Variants in GNA14 observed in about 807,000 individuals in gnomAD.
GNA14 encodes G protein subunit alpha 14.
In GNA14, 50 loss-of-function variants were observed where a neutral mutation model predicts 42.0. That is an observed-to-expected ratio of 1.19 (90% confidence interval 0.95 to 1.51). The LOEUF (loss-of-function observed/expected upper bound fraction) is 1.51, where lower values mean the gene tolerates loss of function less well. Among genes scored for constraint, GNA14 ranks in the 40% most tolerant of loss-of-function variants. The probability of loss-of-function intolerance (pLI) is 0.00; values close to 1 mark genes in which losing one functional copy is unlikely to be tolerated. For missense variants in GNA14, 473 were observed against 446.2 expected, an observed-to-expected ratio of 1.06 and a Z score of -0.54; for synonymous variants, 173 against 163.1, an observed-to-expected ratio of 1.06 and a Z score of -0.46.
intron 3 of GNA14, among the ~76,000 whole-genome samples, chr9:77,432,062 G>A (rs528580473): frequency 9.6e-4 from 142 of 147,418 alleles, no homozygotes; most frequent in African/African-American, 3.4e-3. Context: ...GAAGCCCTGA[G>A]CTTAAAACAT....
chr9:77,488,049 T>C (rs1836691522), intron 2 of GNA14, among the ~76,000 whole-genome samples: 1 of 152,042 alleles, frequency 6.6e-6, no homozygotes, highest in African/African-American at 2.4e-5. Flanking sequence ...AAAAAAACAC[T>C]TAAAGCAATG....
intron 2 of GNA14, among the ~76,000 whole-genome samples, chr9:77,456,063 G>A (rs1835994421): frequency 6.6e-6 from 1 of 152,132 alleles, no homozygotes; most frequent in South Asian, 2.1e-4. Context: ...AATCTAAACT[G>A]AGCCATTATT....
rs570570013 is a variant in GNA14 at position 77,558,313 on chromosome 9, A to C, written c.125-29060T>G. On this transcript the variant is annotated intron_variant, in intron 1 of 6. Transcript: ENST00000341700. The stretch of plus-strand genomic sequence containing the variant: ...AGATAGATAGACAGACAGACAGACA[A>C]ATAGATAAGCAAATATGGCAAAATG... 3.3e-5 allele frequency among the ~76,000 whole-genome samples: 5 copies of C among 152,250 alleles called. No individual in the cohort carries two copies. The South Asian group carries it at 8.3e-4, about 25-fold the overall frequency.
At position 77,449,036 on chromosome 9, in the gene GNA14, T is replaced by C. The variant is rs374729523; in HGVS notation, c.310-14514A>G. Among the ~76,000 whole-genome samples the C allele has an allele frequency of 3.3e-5, 5 of 152,210 alleles. No homozygotes were observed. The East Asian group carries it at 7.7e-4, about 23-fold the overall frequency. The stretch of plus-strand genomic sequence containing the variant: ...GCAGGCTGCATATACGATAATGGTA[T>C]GATAGGATGTAAGATTATAATGCAG... On this transcript the variant is annotated intron_variant, in intron 2 of 6. Transcript: ENST00000341700.
At chr9:77,448,951 G>C (rs964245433) in intron 2 of GNA14, among the ~76,000 whole-genome samples, 2 of 152,136 alleles carry the variant, frequency 1.3e-5, no homozygotes, top group Admixed American at 1.3e-4. Flanking sequence ...TTAGATTGTG[G>C]ACCTGCCCCA....
chr9:77,538,146 C>T (rs1035468269), intron 1 of GNA14, among the ~76,000 whole-genome samples: 1 of 149,814 alleles, frequency 6.7e-6, no homozygotes, highest in African/African-American at 2.5e-5. Flanking sequence ...TCTTAGCTTA[C>T]TGCAGCCACA....
At chr9:77,472,941 A>T (rs1836358086) in intron 2 of GNA14, among the ~76,000 whole-genome samples, 6 of 152,176 alleles carry the variant, frequency 3.9e-5, no homozygotes, top group Admixed American at 3.9e-4. Context: ...AGAACTGTGA[A>T]AAATAAATGT....
intron 2 of GNA14, among the ~76,000 whole-genome samples, chr9:77,514,886 T>C (rs1837227074): frequency 6.6e-6 from 1 of 152,174 alleles, no homozygotes; most frequent in Non-Finnish European, 1.5e-5. Flanking sequence ...GTGCTGGGAT[T>C]ACAGGCATGA....
At chr9:77,597,231 C>T (rs1466647429) in intron 1 of GNA14, among the ~76,000 whole-genome samples, 1 of 152,172 alleles carries the variant, frequency 6.6e-6, no homozygotes, top group Non-Finnish European at 1.5e-5. Flanking sequence ...AACAACATTC[C>T]TCAGGACCTA....
intron 1 of GNA14, among the ~76,000 whole-genome samples, chr9:77,577,839 A>C (rs1011730573): frequency 1.3e-5 from 2 of 152,068 alleles, no homozygotes; most frequent in Admixed American, 6.6e-5. Context: ...TAAGGAAGTG[A>C]ACAAAGAAAT....
chr9:77,516,859 A>G (rs1005541061), intron 2 of GNA14, among the ~76,000 whole-genome samples: 3 of 152,206 alleles, frequency 2.0e-5, no homozygotes, highest in Non-Finnish European at 4.4e-5. Flanking sequence ...AAATCAAAAC[A>G]TCTCTTACAA....
At chr9:77,599,125 A>C (rs1456458199) in intron 1 of GNA14, among the ~76,000 whole-genome samples, 2 of 152,200 alleles carry the variant, frequency 1.3e-5, no homozygotes, top group Non-Finnish European at 2.9e-5. Flanking sequence ...AGGGTCAGGA[A>C]ATTTTTCAGA....
At chr9:77,492,107 CA>C (rs1312322598) in intron 2 of GNA14, among the ~76,000 whole-genome samples, 1 of 151,942 alleles carries the variant, frequency 6.6e-6, no homozygotes, top group Non-Finnish European at 1.5e-5. Flanking sequence ...TTTCTTAAAA[CA>C]AATGAAAATG....
At chr9:77,475,974 C>T (rs1177808872) in intron 2 of GNA14, among the ~76,000 whole-genome samples, 1 of 152,160 alleles carries the variant, frequency 6.6e-6, no homozygotes, top group Non-Finnish European at 1.5e-5. Flanking sequence ...AGGAGCAGGC[C>T]TAAGTGTGCC....
intron 1 of GNA14, among the ~76,000 whole-genome samples, chr9:77,623,476 C>G (rs1437689670): frequency 6.6e-6 from 1 of 152,090 alleles, no homozygotes; most frequent in Non-Finnish European, 1.5e-5. Context: ...CTCACAGTGG[C>G]TGGCAAGATG....
chr9:77,590,412 G>A (rs1454927382), intron 1 of GNA14, among the ~76,000 whole-genome samples: 6 of 152,154 alleles, frequency 3.9e-5, no homozygotes, highest in African/African-American at 1.4e-4. Flanking sequence ...ACAGACATAC[G>A]TGGTGAGCAT....
intron 1 of GNA14, among the ~76,000 whole-genome samples, chr9:77,538,786 T>A (rs1837627414): frequency 6.6e-6 from 1 of 152,202 alleles, no homozygotes; most frequent in Non-Finnish European, 1.5e-5. Flanking sequence ...TTGTGTCCTA[T>A]AACTTTAGGG....
intron 1 of GNA14, among the ~76,000 whole-genome samples, chr9:77,579,927 T>C (rs1564058446): frequency 2.0e-5 from 3 of 152,222 alleles, no homozygotes; most frequent in African/African-American, 7.2e-5. Flanking sequence ...AATCTAGTCA[T>C]TTATTCATTC....
intron 2 of GNA14, among the ~76,000 whole-genome samples, chr9:77,442,301 G>A (rs949141260): frequency 1.3e-5 from 2 of 152,212 alleles, no homozygotes; most frequent in East Asian, 3.8e-4. Context: ...GAACCTGGGA[G>A]GTGGAGGTTG....
Sources: gnomAD v4.1 joint callset for allele counts (sites outside exome capture counted in the v4.1 genomes callset) on GRCh38, gnomAD v4.1.1 for gene constraint, MANE v1.5 for transcripts, NCBI Gene and HGNC (gene_info 2026-07-23, HGNC 2026-07-21) for gene names.